The following SSTR3 variants were observed in gnomAD, a reference collection of about 807,000 sequenced individuals.
The protein encoded by SSTR3 is somatostatin receptor type 3.
For synonymous variants in SSTR3, 281 were observed against 269.2 expected (o/e 1.04, Z -0.43); for missense variants, 504 against 604.7 (o/e 0.83, Z 1.75).
the SSTR3 span, among the ~76,000 whole-genome samples, chr22:37,218,552 A>G: frequency 6.6e-6 from 1 of 152,260 alleles, no homozygotes; most frequent in South Asian, 2.1e-4. Flanking sequence ...GGAGAGGGGA[A>G]ACACGCCCCT....
the SSTR3 span, among the ~76,000 whole-genome samples, chr22:37,219,198 G>T: frequency 1.3e-5 from 2 of 152,172 alleles, no homozygotes; most frequent in African/African-American, 4.8e-5. Context: ...CTACCCTAGC[G>T]CCTTGAGACG....
chr22:37,219,186 C>G, the SSTR3 span, among the ~76,000 whole-genome samples: 2,145 of 152,316 alleles, frequency 0.014, 54 homozygotes, highest in African/African-American at 0.048. Flanking sequence ...GTGGAAACAT[C>G]TCTACCCTAG....
Position 37,207,568 on chromosome 22 carries a change from G to T in SSTR3, c.236C>A (p.Thr79Asn), listed in dbSNP as rs144524580. The change falls in exon 2 of 2, where the codon ACC (threonine) becomes AAC (asparagine). Residue 79 changes from threonine to asparagine, a missense_variant. By Grantham distance (65) the Thr-to-Asn change is moderately conservative. Transcript: ENST00000610913. ...VLRHTASPSVTNVYILNLALA... is the reference protein window; with the variant it reads ...VLRHTASPSVNNVYILNLALA... ...CGCCAGGTTGAGGATGTAGACGTTG[G>T]TGACTGAAGGGCTGGCCGTGTGCCG... is the stretch of plus-strand genomic sequence containing the variant. 2.5e-6 allele frequency: 4 copies of T among 1,613,640 alleles called. No individual in the cohort carries two copies. The highest frequency in any genetic ancestry group is 3.4e-6 in the Non-Finnish European group (4 of 1,179,900).
At chr22:37,208,721 C>T (rs1454437519) in intron 1 of SSTR3, among the ~76,000 whole-genome samples, 3 of 152,148 alleles carry the variant, frequency 2.0e-5, no homozygotes, top group Non-Finnish European at 4.4e-5. Context: ...CATGCCTGCG[C>T]AGAAGAAGCT....
chr22:37,212,170 T>C lies in SSTR3; in HGVS notation c.-382A>G, dbSNP rs377160462. On this transcript the variant is annotated 5_prime_UTR_variant, in exon 1 of 2. Transcript: ENST00000610913. Reference sequence around the variant, plus strand: ...GGGGAGCAAGGGACACAGAAGCCAATAGAAATAGAGGGGAAAGGGGGTCGG... The same window carrying C: ...GGGGAGCAAGGGACACAGAAGCCAACAGAAATAGAGGGGAAAGGGGGTCGG... 3.7e-4 allele frequency: 360 copies of C among 964,718 alleles called. No homozygotes were observed. In the Middle Eastern group the frequency reaches 5.9e-3, roughly 16 times the overall value. 59.8% of individuals were successfully genotyped at this position (964,718 alleles called of 1,614,324 possible).
upstream of SSTR3, among the ~76,000 whole-genome samples, chr22:37,212,626 C>T (rs1926262260): frequency 6.6e-6 from 1 of 152,168 alleles, no homozygotes; most frequent in South Asian, 2.1e-4. Context: ...GCCTTGGCTC[C>T]TGCAGGGAGT....
rs754038373 is a variant in SSTR3 at position 37,207,397 on chromosome 22, ACAGT to A, written c.403_406del (p.Thr135SerfsTer2). On this transcript the variant is annotated frameshift_variant, in exon 2 of 2. Transcript: ENST00000610913. LOFTEE classifies it low-confidence loss of function (END_TRUNC). ...GGCCAGGTAGCGGTCCACGCTCATGACAGTCAGGCAGAATATGCTGGTGAACTGG... is the reference window on the plus strand; with the variant it reads ...GGCCAGGTAGCGGTCCACGCTCATGACAGGCAGAATATGCTGGTGAACTGG... 2.6e-5 allele frequency: 42 copies of A among 1,612,944 alleles called. No homozygotes were observed. The highest frequency in any genetic ancestry group is 1.6e-4 in the Middle Eastern group (1 of 6,082).
chr22:37,216,591 C>T (rs1926456638), upstream of SSTR3, among the ~76,000 whole-genome samples: 1 of 152,236 alleles, frequency 6.6e-6, no homozygotes, highest in Non-Finnish European at 1.5e-5. Context: ...GCCTCAGGGA[C>T]GATTTCGTCC....
Position 37,205,659 on chromosome 22 carries a change from A to AC in SSTR3, c.*887dup, listed in dbSNP as rs992923825. ...CTGGAAGCCCTCAAAAGACCTGGGA[A>AC]CCCCCGGGGGCCCCTACTCCAGCCA... On this transcript the variant is annotated 3_prime_UTR_variant, in exon 2 of 2. Coordinates refer to ENST00000610913, the MANE Select transcript of SSTR3 (RefSeq NM_001051.5). 6.7e-5 allele frequency: 10 copies of AC among 150,254 alleles called. No homozygotes were observed. The highest frequency in any genetic ancestry group is 2.5e-4 in the African/African-American group (10 of 40,622). The allele number at this position is 150,254 out of a possible 1,614,324, so 9.3% of individuals were successfully genotyped here.
chr22:37,219,840 C>T, the SSTR3 span, among the ~76,000 whole-genome samples: 11 of 152,138 alleles, frequency 7.2e-5, no homozygotes, highest in Non-Finnish European at 1.5e-4. Flanking sequence ...GCCGGCACAT[C>T]CAGGTCAGCT....
Position 37,207,744 on chromosome 22 carries a change from C to T in SSTR3, c.60G>A (p.Ser20=), listed in dbSNP as rs375933199. The change falls in exon 2 of 2, where the codon TCG becomes TCA. Residue 20 remains serine, a synonymous_variant. Coordinates refer to ENST00000610913, the MANE Select transcript of SSTR3 (RefSeq NM_001051.5). The stretch of plus-strand genomic sequence containing the variant: ...CCAGGGTGGCATCTGGGGGCCAGGC[C>T]GAGGAGGCATTCTCAGGTTCTGAGG... ...STTSEPENAS[S]AWPPDATLGN... is the part of the protein sequence containing the mutation. 4.3e-5 allele frequency: 65 copies of T among 1,522,214 alleles called. No homozygotes were observed. The highest frequency in any genetic ancestry group is 5.6e-5 in the Non-Finnish European group (63 of 1,134,934). 94.3% of individuals were successfully genotyped at this position (1,522,214 alleles called of 1,614,324 possible). A position where few individuals can be genotyped will look rare whatever the true frequency, so the allele number is the denominator to read the frequency against.
At chr22:37,210,612 A>C (rs538697487) in intron 1 of SSTR3, 434 of 985,434 alleles carry the variant, frequency 4.4e-4, no homozygotes, top group Non-Finnish European at 5.1e-4. Context: ...ATCCTTGAGA[A>C]GGAGGGACTT....
chr22:37,205,604 A>G lies in SSTR3; in HGVS notation c.*943T>C, dbSNP rs1925680336. 6.6e-6 allele frequency: 1 copy of G among 152,134 alleles called. No homozygotes were observed. Among genetic ancestry groups the G allele is most frequent in the Non-Finnish European group, 1.5e-5 (1 of 68,056 alleles). The allele number at this position is 152,134 out of a possible 1,614,324, so 9.4% of individuals were successfully genotyped here. A position where few individuals can be genotyped will look rare whatever the true frequency, so the allele number is the denominator to read the frequency against. ...GAGAATATGGGTCACAAGGAGAGGA[A>G]CAGGGATGGCCCTTCCTACAAGGAG... is the stretch of plus-strand genomic sequence containing the variant. On this transcript the variant is annotated 3_prime_UTR_variant, in exon 2 of 2. Coordinates refer to ENST00000610913, the MANE Select transcript of SSTR3 (RefSeq NM_001051.5).
chr22:37,216,251 C>A (rs1280334638), upstream of SSTR3, among the ~76,000 whole-genome samples: 1 of 128,380 alleles, frequency 7.8e-6, no homozygotes, highest in Admixed American at 1.0e-4. Flanking sequence ...CTCAGTTAAG[C>A]TCTTTCTCGC....
intron 1 of SSTR3, chr22:37,210,692 G>A (rs571813587): frequency 3.0e-4 from 293 of 985,490 alleles, no homozygotes; most frequent in Admixed American, 3.7e-4. Context: ...TTGGAGGACT[G>A]TTCAGGAGGA....
At chr22:37,215,587 T>C (rs1926404132), upstream of SSTR3, among the ~76,000 whole-genome samples, 1 of 152,182 alleles carries the variant, frequency 6.6e-6, no homozygotes, top group Non-Finnish European at 1.5e-5. Flanking sequence ...CCCAGCCTAC[T>C]AGTGCAGAGC....
rs2071710 is a variant in SSTR3 at position 37,206,982 on chromosome 22, G to C, written c.822C>G (p.Tyr274Ter). The C allele has an allele frequency of 3.1e-5, 50 of 1,613,022 alleles. No homozygotes were observed. The highest frequency in any genetic ancestry group is 4.2e-5 in the Non-Finnish European group (50 of 1,179,996). The change falls in exon 2 of 2, where the codon TAC (tyrosine) becomes TAG (stop). Residue 274 changes from tyrosine to a stop codon, truncating the protein, a stop_gained. Coordinates refer to ENST00000610913, the MANE Select transcript of SSTR3 (RefSeq NM_001051.5). LOFTEE classifies it low-confidence loss of function (END_TRUNC). ...ACACCACGTTGACGATGTTGAGCACGTAGAAGGGCATCCAGCAGAGCACGA... is the reference window on the plus strand; with the variant it reads ...ACACCACGTTGACGATGTTGAGCACCTAGAAGGGCATCCAGCAGAGCACGA... ...ALFVLCWMPF[Y>*]VLNIVNVVCP... is the part of the protein sequence containing the mutation.
At chr22:37,208,459 C>A (rs1325615766) in intron 1 of SSTR3, among the ~76,000 whole-genome samples, 3 of 152,180 alleles carry the variant, frequency 2.0e-5, no homozygotes, top group African/African-American at 7.2e-5. Context: ...TCCCACTGTG[C>A]CCCTCCCAAA....
At position 37,207,089 on chromosome 22, in the gene SSTR3, G is replaced by A. The variant is rs1215577249; in HGVS notation, c.715C>T (p.Arg239Trp). 2.0e-5 allele frequency: 33 copies of A among 1,612,338 alleles called. No homozygotes were observed. Among genetic ancestry groups the A allele is most frequent in the Middle Eastern group, 3.3e-4 (2 of 6,060 alleles). ...CGCTGGCACGAGGGTGCCCACACCC[G>A]GCGCCCAGCTGAGCGCACCTTCACC... is the stretch of plus-strand genomic sequence containing the variant. ...IVVKVRSAGRRVWAPSCQRRR... is the reference protein window; with the variant it reads ...IVVKVRSAGRWVWAPSCQRRR... The change falls in exon 2 of 2, where the codon CGG (arginine) becomes TGG (tryptophan). Residue 239 changes from arginine to tryptophan, a missense_variant. Coordinates refer to ENST00000610913, the MANE Select transcript of SSTR3 (RefSeq NM_001051.5).
Sources: allele counts gnomAD v4.1 joint callset (sites outside exome capture counted in the v4.1 genomes callset), GRCh38; gene constraint gnomAD v4.1.1; transcripts MANE v1.5; gene names NCBI Gene and HGNC (gene_info 2026-07-23, HGNC 2026-07-21).